The following SNX1 variants were observed in gnomAD, a reference collection of about 807,000 sequenced individuals.
The protein encoded by SNX1 is sorting nexin 1, also known as sorting nexin-1.
SNX1 carries 36 observed loss-of-function variants against 71.8 expected under a neutral mutation model. That is an observed-to-expected ratio of 0.50 (90% confidence interval 0.38 to 0.66). The LOEUF (loss-of-function observed/expected upper bound fraction) is 0.66. Among genes scored for constraint, SNX1 ranks in the 30% least tolerant of loss-of-function variants. The pLI, the probability that SNX1 is intolerant of heterozygous loss-of-function variation, is 0.00. For synonymous variants in SNX1, 254 were observed against 240.7 expected, an observed-to-expected ratio of 1.06 and a Z score of -0.51; for missense variants, 612 against 646.7, an observed-to-expected ratio of 0.95 and a Z score of 0.58.
At chr15:64,110,511 C>T (rs1485678267) in intron 1 of SNX1, among the ~76,000 whole-genome samples, 1 of 152,200 alleles carries the variant, frequency 6.6e-6, no homozygotes, top group African/African-American at 2.4e-5. Context: ...ATCCTCCCAC[C>T]TCAGCCTCCA....
At chr15:64,107,362 A>G (rs1270664222) in intron 1 of SNX1, among the ~76,000 whole-genome samples, 1 of 152,238 alleles carries the variant, frequency 6.6e-6, no homozygotes, top group African/African-American at 2.4e-5. Context: ...ATGAGGAAGA[A>G]TCACAACTGG....
intron 1 of SNX1, among the ~76,000 whole-genome samples, chr15:64,101,179 A>G (rs2080957361): frequency 6.6e-6 from 1 of 152,244 alleles, no homozygotes; most frequent in Non-Finnish European, 1.5e-5. Flanking sequence ...TTAAGTGTAT[A>G]GTTTAGTAGC....
intron 11 of SNX1, chr15:64,132,466 C>G (rs375260025): frequency 1.3e-5 from 2 of 156,110 alleles, no homozygotes; most frequent in South Asian, 3.8e-4. Context: ...AACATTCCAG[C>G]CTGCCCCTCG....
In SNX1 at chr15:64,131,873, G is replaced by T; in HGVS notation, c.1202G>T (p.Arg401Leu). 4 of 1,614,104 alleles carry T rather than the reference G, an allele frequency of 2.5e-6. No homozygotes were observed. The highest frequency in any genetic ancestry group is 3.4e-6 in the Non-Finnish European group (4 of 1,180,004). Residue 401 changes from arginine (R) to leucine (L), a missense_variant, in exon 11 of 15, where the codon CGC (arginine) becomes CTC (leucine). Arg to Leu is a moderately radical substitution (Grantham distance 102, BLOSUM62 -2). Transcript: ENST00000559844. ...LLAELLSDYI[R>L]LLAIVRAAFD... ...GCTGAGCTCCTGAGTGACTACATTC[G>T]CCTCCTGGCCATAGTCCGCGTAAGC...
At chr15:64,103,685 T>C (rs2140131754) in intron 1 of SNX1, among the ~76,000 whole-genome samples, 1 of 152,356 alleles carries the variant, frequency 6.6e-6, no homozygotes, top group East Asian at 1.9e-4. Context: ...TTTGGTAGTT[T>C]TATTAAAAAG....
chr15:64,136,183 A>G, intron 12 of SNX1, 147 bp from the exon 13 acceptor site: 1 of 649,944 alleles, frequency 1.5e-6, no homozygotes, highest in South Asian at 1.8e-5. Flanking sequence ...TACGTGTGGA[A>G]TCCTCTGTGA....
At position 64,143,955 on chromosome 15, in the gene SNX1, C is replaced by T. The variant is rs1431681867; in HGVS notation, c.*6337C>T. ...TACAGTTACACCGTTGAATATTTTACAGCCATTGAAGATGATATATAGCTA... is the reference window on the plus strand; with the variant it reads ...TACAGTTACACCGTTGAATATTTTATAGCCATTGAAGATGATATATAGCTA... On this transcript the variant is annotated 3_prime_UTR_variant, in exon 15 of 15. Transcript: ENST00000559844. The T allele has an allele frequency of 3.3e-5, 5 of 152,280 alleles. No individual in the cohort carries two copies. The highest frequency in any genetic ancestry group is 9.6e-5 in the African/African-American group (4 of 41,558). The allele number at this position is 152,280 out of a possible 1,614,324, so 9.4% of individuals were successfully genotyped here. A position where few individuals can be genotyped will look rare whatever the true frequency, so the allele number is the denominator to read the frequency against.
chr15:64,128,478 A>G (rs2081275642), intron 8 of SNX1, among the ~76,000 whole-genome samples: 1 of 152,252 alleles, frequency 6.6e-6, no homozygotes, highest in South Asian at 2.1e-4. Flanking sequence ...CTCACAGGAA[A>G]GCAAACTAGA....
At chr15:64,113,045 A>G (rs976001957) in intron 2 of SNX1, among the ~76,000 whole-genome samples, 4 of 152,232 alleles carry the variant, frequency 2.6e-5, no homozygotes, top group African/African-American at 9.6e-5. Flanking sequence ...TAAGAATTGC[A>G]TTTGGTGTCA....
intron 4 of SNX1, among the ~76,000 whole-genome samples, chr15:64,122,657 T>A (rs1427743860): frequency 2.0e-5 from 3 of 151,990 alleles, no homozygotes; most frequent in Non-Finnish European, 2.9e-5. Flanking sequence ...TCCGGTTTGA[T>A]GTGGGAAGGA....
Position 64,131,251 on chromosome 15 carries a change from C to G in SNX1, c.1016-436C>G, listed in dbSNP as rs74429284. Among the ~76,000 whole-genome samples, 1,020 of 152,296 alleles carry G rather than the reference C, an allele frequency of 6.7e-3. 11 individuals are homozygous for G. The highest frequency in any genetic ancestry group is 0.017 in the African/African-American group (706 of 41,550). ...TGAGCTGAGATGGCGCCACTGCACT[C>G]CTTTACACAAAGTTTGCCCTACTCT... On this transcript the variant is annotated intron_variant, in intron 10 of 14. Transcript: ENST00000559844.
rs2081152585 is a variant in SNX1 at position 64,118,197 on chromosome 15, C to T, written c.352C>T (p.Pro118Ser). 3.1e-6 allele frequency: 5 copies of T among 1,613,694 alleles called. No homozygotes were observed. The highest frequency in any genetic ancestry group is 1.3e-5 in the African/African-American group (1 of 75,002). The part of the protein sequence containing the change: ...VLAKTLISLP[P>S]QEATNSSKPQ... ...AGCCAAAACACTCATTTCTCTTCCT[C>T]CTCAGGAAGCCACAAATTCTTCGAA... Residue 118 changes from proline to serine, a missense_variant, in exon 3 of 15, where the codon CCT becomes TCT. Transcript: ENST00000559844.
In SNX1 at chr15:64,127,108, A is replaced by G. The variant is rs1030459162; in HGVS notation, c.653-66A>G. 7.5e-6 allele frequency: 10 copies of G among 1,339,576 alleles called. 1 individual carries two copies. The Admixed American group carries it at 1.9e-4, about 26-fold the overall frequency. 83.0% of individuals were successfully genotyped at this position (1,339,576 alleles called of 1,614,324 possible). On this transcript the variant is annotated intron_variant, in intron 6 of 14. Transcript: ENST00000559844. ...TGCCTTTCCTCCTGTTGACACTTAA[A>G]AAAAAAAAAGATTTATCCTCTTCAT... is the stretch of plus-strand genomic sequence containing the variant.
At chr15:64,108,691 A>C (rs541945389) in intron 1 of SNX1, among the ~76,000 whole-genome samples, 1 of 152,220 alleles carries the variant, frequency 6.6e-6, no homozygotes, top group Non-Finnish European at 1.5e-5. Flanking sequence ...AAGGACAAAA[A>C]TAAAATATCA....
chr15:64,114,131 T>G (rs770312846), intron 2 of SNX1, among the ~76,000 whole-genome samples: 1 of 152,228 alleles, frequency 6.6e-6, no homozygotes, highest in Non-Finnish European at 1.5e-5. Flanking sequence ...GAATGTGGTA[T>G]GGGCAAAGTA....
At chr15:64,119,255 G>C (rs2140145640) in intron 4 of SNX1, among the ~76,000 whole-genome samples, 1 of 152,210 alleles carries the variant, frequency 6.6e-6, no homozygotes, top group South Asian at 2.1e-4. Context: ...AGCCGCCCAA[G>C]TAGCTGGGAC....
Position 64,142,498 on chromosome 15 carries a change from G to T in SNX1, c.*4880G>T. 1 of 366,254 alleles carries T rather than the reference G, an allele frequency of 2.7e-6. No individual in the cohort carries two copies. The highest frequency in any genetic ancestry group is 5.4e-6 in the Non-Finnish European group (1 of 184,280). 22.7% of individuals were successfully genotyped at this position (366,254 alleles called of 1,614,324 possible). ...AGAGCCATGTTTGGAAGAAAATGGG[G>T]TCCAGAGCACAGGAAGGGGACCTGT... On this transcript the variant is annotated 3_prime_UTR_variant, in exon 15 of 15. Transcript: ENST00000559844.
chr15:64,117,142 CTAGCTTA>C lies in SNX1; in HGVS notation c.272-968_272-962del, dbSNP rs1156518504. Among the ~76,000 whole-genome samples the C allele has an allele frequency of 2.0e-5, 3 of 152,278 alleles. No homozygotes were observed. The East Asian group carries it at 5.8e-4, about 29-fold the overall frequency. ...GCTTGTGTCTTGGCTCCATTTTTTTCTAGCTTATAGCTTTCCTGACACTTGCTTTGAC... is the reference window on the plus strand; with the variant it reads ...GCTTGTGTCTTGGCTCCATTTTTTTCTAGCTTTCCTGACACTTGCTTTGAC... On this transcript the variant is annotated intron_variant, in intron 2 of 14. Transcript: ENST00000559844.
intron 11 of SNX1, chr15:64,132,250 TC>T (rs2081314735): frequency 7.1e-6 from 2 of 283,332 alleles, no homozygotes; most frequent in African/African-American, 4.4e-5. Flanking sequence ...AGCAGTGACT[TC>T]CTCAGTCCTT....
Sources: allele counts gnomAD v4.1 joint callset (sites outside exome capture counted in the v4.1 genomes callset), GRCh38; gene constraint gnomAD v4.1.1; transcripts MANE v1.5; gene names NCBI Gene and HGNC (gene_info 2026-07-23, HGNC 2026-07-21).